Variants in TKTL1 observed in about 807,000 individuals in gnomAD.
TKTL1 encodes the protein transketolase-like protein 1.
A neutral mutation model predicts 39.3 loss-of-function variants in TKTL1; 1 was observed. That is an observed-to-expected ratio of 0.03 (90% CI 0.01 to 0.12). The LOEUF is 0.12. Ranked by LOEUF, TKTL1 falls within the 10% of genes least tolerant of loss-of-function variation. The probability of loss-of-function intolerance (pLI) is 1.00; values close to 1 mark genes in which losing one functional copy is unlikely to be tolerated. For missense variants in TKTL1, 575 were observed against 509.6 expected (o/e 1.13, Z -1.24); for synonymous variants, 262 against 193.8 (o/e 1.35, Z -2.92).
intron 5 of TKTL1, among the ~76,000 whole-genome samples, chrX:154,311,759 T>G (rs2067359552): frequency 1.8e-5 from 2 of 111,344 alleles, no homozygotes; most frequent in Non-Finnish European, 3.8e-5. Context: ...ACTATAGACA[T>G]TTTAGAATAA....
At chrX:154,311,263 C>G in intron 5 of TKTL1, 25 bp downstream of exon 5, 1 of 1,209,875 alleles carries the variant, frequency 8.3e-7, no homozygotes, top group Non-Finnish European at 1.1e-6. Context: ...TCCTCCTGCT[C>G]CTGGTTGTTA....
chrX:154,324,736 C>T (rs2067480230), intron 9 of TKTL1, among the ~76,000 whole-genome samples: 1 of 111,679 alleles, frequency 9.0e-6, no homozygotes, highest in Admixed American at 9.5e-5. Flanking sequence ...GGTGAAGACA[C>T]TGAATAAAGA....
At chrX:154,316,458 G>A (rs1483455604) in intron 7 of TKTL1, among the ~76,000 whole-genome samples, 2 of 111,427 alleles carry the variant, frequency 1.8e-5, no homozygotes, top group Non-Finnish European at 3.8e-5. Context: ...CCAGCTACTC[G>A]GGACTCTAAG....
Position 154,327,871 on chromosome X carries a change from A to G in TKTL1, c.1531A>G (p.Ile511Val), listed in dbSNP as rs782265228. ...TATCCGTGTCATCGACCTGTTTACC[A>G]TTAAACCTCTGGATGTCGCCACCAT... ...IFIRVIDLFT[I>V]KPLDVATIVS... The change falls in exon 12 of 13, where the codon ATT becomes GTT. Residue 511 changes from isoleucine to valine, a missense_variant. Transcript: ENST00000369915. 3 of 1,211,806 alleles carry G rather than the reference A, an allele frequency of 2.5e-6. No individual in the cohort carries two copies. The highest frequency in any genetic ancestry group is 1.8e-5 in the South Asian group (1 of 57,005).
chrX:154,322,518 G>A (rs782725949), intron 8 of TKTL1, among the ~76,000 whole-genome samples: 7 of 111,264 alleles, frequency 6.3e-5, no homozygotes, highest in East Asian at 2.8e-4. Flanking sequence ...GCAACAGAGC[G>A]AGACTCTGTC....
chrX:154,325,829 T>G (rs1557171846), intron 10 of TKTL1, among the ~76,000 whole-genome samples: 1 of 111,310 alleles, frequency 9.0e-6, no homozygotes, highest in Non-Finnish European at 1.9e-5. Context: ...TACAAAAATT[T>G]TTTAAACTAG....
intron 3 of TKTL1, 114 bp from the exon 4 acceptor site, chrX:154,310,722 G>C (rs2067349978): frequency 3.2e-6 from 2 of 627,427 alleles, no homozygotes; most frequent in Non-Finnish European, 4.9e-6. Context: ...TGTGGGAAGC[G>C]AATGGTCTGG....
At chrX:154,311,611 CT>C (rs2067358290) in intron 5 of TKTL1, among the ~76,000 whole-genome samples, 1 of 111,244 alleles carries the variant, frequency 9.0e-6, no homozygotes, top group Non-Finnish European at 1.9e-5. Context: ...GGCCCACACT[CT>C]TCTGGAAGAA....
intron 1 of TKTL1, among the ~76,000 whole-genome samples, chrX:154,302,727 A>G (rs2067283247): frequency 8.9e-6 from 1 of 111,806 alleles, no homozygotes; most frequent in Non-Finnish European, 1.9e-5. Flanking sequence ...TAAGTTAAGG[A>G]TCTTGAGATA....
chrX:154,295,849 G>A lies in TKTL1; in HGVS notation c.-11G>A, dbSNP rs1557164177. 2 of 1,210,366 alleles carry A rather than the reference G, an allele frequency of 1.7e-6. No homozygotes were observed. Among genetic ancestry groups the A allele is most frequent in the South Asian group, 1.8e-5 (1 of 56,742 alleles). On this transcript the variant is annotated 5_prime_UTR_variant, in exon 1 of 13. Transcript: ENST00000369915. ...AGGAGTGGGTCTTCAGACTCCAAAGGGGTTGGACTAATGGCGGATGCTGAG... is the reference window on the plus strand; with the variant it reads ...AGGAGTGGGTCTTCAGACTCCAAAGAGGTTGGACTAATGGCGGATGCTGAG...
intron 12 of TKTL1, among the ~76,000 whole-genome samples, chrX:154,328,413 G>A (rs782650961): frequency 9.4e-6 from 1 of 106,187 alleles, no homozygotes; most frequent in Non-Finnish European, 1.9e-5. Flanking sequence ...GGGTGTGGTG[G>A]TGCATGCCTG....
At chrX:154,324,837 C>A (rs2067481111) in intron 9 of TKTL1, among the ~76,000 whole-genome samples, 2 of 112,084 alleles carry the variant, frequency 1.8e-5, no homozygotes, top group Non-Finnish European at 3.8e-5. Flanking sequence ...TTAACAAATA[C>A]TTTAGACATA....
intron 1 of TKTL1, among the ~76,000 whole-genome samples, chrX:154,297,455 C>T (rs1188853256): frequency 1.8e-5 from 2 of 110,067 alleles, no homozygotes; most frequent in Non-Finnish European, 3.8e-5. Context: ...ACGGGGTTTC[C>T]CCGTGTTAGC....
chrX:154,325,317 C>T (rs1465521693), intron 9 of TKTL1, 22 bp from the exon 10 acceptor site: 2 of 1,188,898 alleles, frequency 1.7e-6, no homozygotes, highest in Non-Finnish European at 2.3e-6. Context: ...TTTTCTAAAC[C>T]ATGGCTCCAT....
Position 154,329,773 on chromosome X carries a change from ATTTTGTTTCTTAAAAGCAAAGCCAGC to A in TKTL1, c.*87_*112del. On this transcript the variant is annotated 3_prime_UTR_variant, in exon 13 of 13. Coordinates refer to ENST00000369915, the MANE Select transcript of TKTL1 (RefSeq NM_012253.4). ...CCATCATTTAAATCTCTACTGTCAC[ATTTTGTTTCTTAAAAGCAAAGCCAGC>A]TAACACCTTCATTCATCCCTAGTTC... 1 of 1,083,170 alleles carries A rather than the reference ATTTTGTTTCTTAAAAGCAAAGCCAGC, an allele frequency of 9.2e-7. No individual in the cohort carries two copies. Among genetic ancestry groups the A allele is most frequent in the Non-Finnish European group, 1.2e-6 (1 of 800,427 alleles). The allele number at this position is 1,083,170 out of a possible 1,213,427, so 89.3% of individuals were successfully genotyped here.
chrX:154,311,974 C>A (rs1169647198), intron 5 of TKTL1, among the ~76,000 whole-genome samples: 1 of 110,783 alleles, frequency 9.0e-6, no homozygotes, highest in Non-Finnish European at 1.9e-5. Context: ...ATGACTGTTG[C>A]CACACCCATC....
intron 7 of TKTL1, among the ~76,000 whole-genome samples, chrX:154,317,902 G>A (rs2067414406): frequency 9.0e-6 from 1 of 110,675 alleles, no homozygotes; most frequent in African/African-American, 3.3e-5. Flanking sequence ...CTCTGTGTGG[G>A]CCTGGGGGGT....
chrX:154,315,413 T>G, intron 7 of TKTL1, 76 bp downstream of exon 7: 3 of 1,026,275 alleles, frequency 2.9e-6, no homozygotes, highest in Non-Finnish European at 3.9e-6. Flanking sequence ...CTGTGCTAGT[T>G]TTTCTTTCCA....
At chrX:154,303,557 T>C (rs184713543) in intron 1 of TKTL1, among the ~76,000 whole-genome samples, 14,175 of 104,339 alleles carry the variant, frequency 0.14, 2,435 homozygotes, top group African/African-American at 0.46. Context: ...CATTCCCTCT[T>C]CCCTCGTCTT....
Sources: allele counts gnomAD v4.1 joint callset (sites outside exome capture counted in the v4.1 genomes callset), GRCh38; gene constraint gnomAD v4.1.1; transcripts MANE v1.5; gene names NCBI Gene and HGNC (gene_info 2026-07-23, HGNC 2026-07-21).